The following FAM210A variants were observed in gnomAD, a reference collection of about 807,000 sequenced individuals.
FAM210A encodes the protein family with sequence similarity 210 member A.
In FAM210A, 13 loss-of-function variants were observed where a neutral mutation model predicts 25.3. That is an observed-to-expected ratio of 0.51 (90% CI 0.33 to 0.82). The LOEUF is 0.82. Ranked by LOEUF, FAM210A falls within the 40% of genes least tolerant of loss-of-function variation. The probability of loss-of-function intolerance (pLI) is 0.02; values close to 1 mark genes in which losing one functional copy is unlikely to be tolerated. For missense variants in FAM210A, 319 were observed against 323.2 expected (o/e 0.99, Z 0.10); for synonymous variants, 125 against 118.7 (o/e 1.05, Z -0.35).
intron 3 of FAM210A, among the ~76,000 whole-genome samples, chr18:13,671,626 T>C (rs1601939715): frequency 6.6e-6 from 1 of 151,136 alleles, no homozygotes; most frequent in African/African-American, 2.4e-5. Flanking sequence ...GAGGCGGAGG[T>C]TGCAGTGAGC....
intron 1 of FAM210A, among the ~76,000 whole-genome samples, chr18:13,682,575 T>G (rs901737658): frequency 4.0e-5 from 6 of 149,888 alleles, no homozygotes; most frequent in Non-Finnish European, 7.4e-5. Flanking sequence ...CTCAGAAAAA[T>G]AAAATAAAAT....
intron 2 of FAM210A, among the ~76,000 whole-genome samples, chr18:13,674,163 T>C (rs2043471236): frequency 6.6e-6 from 1 of 150,804 alleles, no homozygotes; most frequent in African/African-American, 2.4e-5. Context: ...TTCCTGATTA[T>C]TAACATTCCT....
chr18:13,721,571 T>A (rs921252122), intron 1 of FAM210A, among the ~76,000 whole-genome samples: 2 of 152,314 alleles, frequency 1.3e-5, no homozygotes, highest in South Asian at 2.1e-4. Flanking sequence ...GCAGCTCTAG[T>A]GGCTTCTACT....
chr18:13,708,728 G>C (rs898413633), intron 1 of FAM210A, among the ~76,000 whole-genome samples: 1 of 152,142 alleles, frequency 6.6e-6, no homozygotes, highest in African/African-American at 2.4e-5. Context: ...TGCTCCACAA[G>C]TGAAATTCTG....
chr18:13,670,264 G>A (rs1305340073), intron 3 of FAM210A, among the ~76,000 whole-genome samples: 1 of 152,188 alleles, frequency 6.6e-6, no homozygotes, highest in Non-Finnish European at 1.5e-5. Flanking sequence ...AATTAAATTA[G>A]GGAAGGTTTA....
intron 1 of FAM210A, chr18:13,697,598 C>T (rs996075984): frequency 6.8e-6 from 1 of 147,508 alleles, no homozygotes; most frequent in African/African-American, 2.5e-5. Context: ...GTAATCCCAG[C>T]TACTGGAGAG....
chr18:13,690,489 T>C (rs903067778), intron 1 of FAM210A, among the ~76,000 whole-genome samples: 1 of 152,204 alleles, frequency 6.6e-6, no homozygotes, highest in Non-Finnish European at 1.5e-5. Context: ...GTAGCCTAAC[T>C]GGGAGACACC....
chr18:13,692,262 G>C (rs1329702773), intron 1 of FAM210A, among the ~76,000 whole-genome samples: 1 of 152,016 alleles, frequency 6.6e-6, no homozygotes, highest in African/African-American at 2.4e-5. Flanking sequence ...AGTCCTTAGA[G>C]ACCTACAAAG....
intron 1 of FAM210A, among the ~76,000 whole-genome samples, chr18:13,696,452 T>C (rs900715138): frequency 2.6e-5 from 4 of 152,210 alleles, no homozygotes; most frequent in Non-Finnish European, 5.9e-5. Flanking sequence ...GCAGAAAATA[T>C]TGTAAAACAT....
chr18:13,716,551 C>A (rs1370123886), intron 1 of FAM210A, among the ~76,000 whole-genome samples: 1 of 152,088 alleles, frequency 6.6e-6, no homozygotes, highest in African/African-American at 2.4e-5. Flanking sequence ...CACTCTGTAA[C>A]CTTAAAGGGA....
chr18:13,670,301 G>A (rs75685831), intron 3 of FAM210A, among the ~76,000 whole-genome samples: 1 of 152,006 alleles, frequency 6.6e-6, no homozygotes, highest in African/African-American at 2.4e-5. Flanking sequence ...TGACTTACTC[G>A]GGTTAAAATT....
intron 1 of FAM210A, among the ~76,000 whole-genome samples, chr18:13,709,903 C>T (rs1050618278): frequency 6.6e-6 from 1 of 152,210 alleles, no homozygotes; most frequent in African/African-American, 2.4e-5. Flanking sequence ...TCAAAAGTGC[C>T]TGTGCAAAGA....
At chr18:13,704,731 T>G (rs1274231604) in intron 1 of FAM210A, among the ~76,000 whole-genome samples, 1 of 152,206 alleles carries the variant, frequency 6.6e-6, no homozygotes, top group African/African-American at 2.4e-5. Flanking sequence ...TATATTTTAG[T>G]GAATGTTAAT....
chr18:13,665,414 A>G lies in FAM210A; in HGVS notation c.*1066T>C, dbSNP rs2043392995. The stretch of plus-strand genomic sequence containing the variant: ...AAAAAAAAAAAAAAAAAAATCAAGT[A>G]GAATGCTCAAACAAGGATATTTCCC... On this transcript the variant is annotated 3_prime_UTR_variant, in exon 4 of 4. Transcript: ENST00000651643. 6.7e-6 allele frequency: 1 copy of G among 150,278 alleles called. No homozygotes were observed. Among genetic ancestry groups the G allele is most frequent in the South Asian group, 2.1e-4 (1 of 4,744 alleles). The allele number at this position is 150,278 out of a possible 1,614,324, so 9.3% of individuals were successfully genotyped here.
At chr18:13,679,701 T>C (rs191199885) in intron 2 of FAM210A, among the ~76,000 whole-genome samples, 1,625 of 152,178 alleles carry the variant, frequency 0.011, 22 homozygotes, top group Middle Eastern at 0.024. Context: ...CAAGGTGTAA[T>C]GGGGAAGGGT....
intron 1 of FAM210A, among the ~76,000 whole-genome samples, chr18:13,697,046 C>T (rs2043700297): frequency 6.6e-6 from 1 of 152,180 alleles, no homozygotes; most frequent in Admixed American, 6.5e-5. Context: ...GTTACAATTG[C>T]TTACAGTATT....
In FAM210A at chr18:13,666,512, C is replaced by A; in HGVS notation, c.787G>T (p.Glu263Ter). The change falls in exon 4 of 4, where the codon GAA becomes TAA. Residue 263 changes from glutamate (E) to a stop codon, truncating the protein, a stop_gained. Transcript: ENST00000651643. LOFTEE classifies it high-confidence loss of function. ...RLTEKLQETK[E>*]KVSFKKKVE Reference sequence around the variant, plus strand: ...ACTTTTTTCTTAAAGGAAACTTTTTCTTTGGTTTCTTGTAACTTTTCAGTG... The same window carrying A: ...ACTTTTTTCTTAAAGGAAACTTTTTATTTGGTTTCTTGTAACTTTTCAGTG... 1.2e-6 allele frequency: 2 copies of A among 1,613,650 alleles called. No homozygotes were observed. Among genetic ancestry groups the A allele is most frequent in the Non-Finnish European group, 1.7e-6 (2 of 1,179,826 alleles).
chr18:13,670,632 T>TA (rs2043433788), intron 3 of FAM210A, among the ~76,000 whole-genome samples: 1 of 152,214 alleles, frequency 6.6e-6, no homozygotes, highest in Non-Finnish European at 1.5e-5. Flanking sequence ...TTAATATGGC[T>TA]AAACTCCACA....
rs141943753 is a variant in FAM210A at position 13,721,619 on chromosome 18, CG to C, written c.-29+4709del. Among the ~76,000 whole-genome samples, 604 of 152,214 alleles carry C rather than the reference CG, an allele frequency of 4.0e-3. 3 individuals are homozygous for C. Among genetic ancestry groups the C allele is most frequent in the African/African-American group, 0.014 (564 of 41,528 alleles). On this transcript the variant is annotated intron_variant, in intron 1 of 3. Transcript: ENST00000651643. ...CCACGATCGCCCTCACTCCACAAGT[CG>C]GGGAACCAGTGTGGGGATTCTGCCA...
Sources: allele counts gnomAD v4.1 joint callset (sites outside exome capture counted in the v4.1 genomes callset), GRCh38; gene constraint gnomAD v4.1.1; transcripts MANE v1.5; gene names NCBI Gene and HGNC (gene_info 2026-07-23, HGNC 2026-07-21).